Variants in COG3 observed in about 807,000 individuals in gnomAD.
The protein encoded by COG3 is component of oligomeric golgi complex 3, also known as conserved oligomeric Golgi complex subunit 3.
In COG3, 32 loss-of-function variants were observed where a neutral mutation model predicts 114.1. The observed-to-expected ratio is 0.28, with a 90% CI of 0.21 to 0.38. The LOEUF (loss-of-function observed/expected upper bound fraction) is 0.38, where lower values mean the gene tolerates loss of function less well. Ranked by LOEUF, COG3 falls within the 10% of genes least tolerant of loss-of-function variation. The probability of loss-of-function intolerance (pLI) is 1.00; values close to 1 mark genes in which losing one functional copy is unlikely to be tolerated. For missense variants in COG3, 813 were observed against 973.2 expected (o/e 0.84, Z 2.19); for synonymous variants, 352 against 365.7 (o/e 0.96, Z 0.43).
intron 13 of COG3, among the ~76,000 whole-genome samples, chr13:45,498,059 CAG>C (rs1253855210): frequency 1.3e-5 from 2 of 152,148 alleles, no homozygotes; most frequent in South Asian, 4.1e-4. Flanking sequence ...CACCTAAAAA[CAG>C]TGTAGTTCCT....
chr13:45,524,945 A>G (rs1411870745), intron 19 of COG3, 31 bp from the exon 20 acceptor site: 4 of 1,585,554 alleles, frequency 2.5e-6, no homozygotes, highest in Non-Finnish European at 3.5e-6. Flanking sequence ...TGATGAAATG[A>G]AACTTTTTTT....
intron 4 of COG3, 102 bp downstream of exon 4, chr13:45,480,392 C>A: frequency 3.5e-6 from 3 of 851,244 alleles, no homozygotes; most frequent in Non-Finnish European, 5.2e-6. Flanking sequence ...AGATGTTCAA[C>A]TCTGCTGTGT....
chr13:45,501,424 G>A (rs1198335628), intron 13 of COG3, among the ~76,000 whole-genome samples: 3 of 152,162 alleles, frequency 2.0e-5, no homozygotes, highest in Non-Finnish European at 4.4e-5. Flanking sequence ...TAGTTCACTG[G>A]TACTTTATTT....
chr13:45,490,745 A>C (rs1886967182), intron 8 of COG3, among the ~76,000 whole-genome samples, 170 bp from the exon 9 acceptor site: 1 of 145,156 alleles, frequency 6.9e-6, no homozygotes, highest in Non-Finnish European at 1.5e-5. Context: ...AACTGAAAGA[A>C]AATATACTGA....
chr13:45,470,616 C>T (rs1476161543), intron 1 of COG3, among the ~76,000 whole-genome samples: 1 of 152,204 alleles, frequency 6.6e-6, no homozygotes, highest in Non-Finnish European at 1.5e-5. Context: ...TGCCCACTTT[C>T]CCTCAATGGT....
intron 11 of COG3, among the ~76,000 whole-genome samples, chr13:45,492,719 A>T (rs17241431): frequency 0.32 from 48,000 of 152,036 alleles, 8,626 homozygotes; most frequent in Admixed American, 0.42. Flanking sequence ...TCTTACAAAC[A>T]TTCCAAGCTC....
intron 12 of COG3, 45 bp downstream of exon 12, chr13:45,493,531 A>G (rs1593704105): frequency 3.9e-6 from 6 of 1,538,342 alleles, no homozygotes; most frequent in Non-Finnish European, 4.4e-6. Context: ...CACTGGCTCA[A>G]TGAATTTGAA....
At chr13:45,513,428 T>C (rs1332392618) in intron 16 of COG3, among the ~76,000 whole-genome samples, 1 of 101,756 alleles carries the variant, frequency 9.8e-6, no homozygotes, top group South Asian at 2.8e-4. Flanking sequence ...AAATTATATA[T>C]ATAATATATA....
Position 45,516,167 on chromosome 13 carries a change from T to C in COG3, c.1834T>C (p.Leu612=). The C allele has an allele frequency of 6.3e-7, 1 of 1,590,156 alleles. No individual in the cohort carries two copies. The part of the protein sequence containing the change: ...NKTQIDGQLF[L]IKHLLILREQ... The stretch of plus-strand genomic sequence containing the variant: ...GACTCAGATTGATGGACAACTTTTC[T>C]TAATTAAGCACCTTTTGATACTTCG... Residue 612 remains leucine, a synonymous_variant, in exon 17 of 23, where the codon TTA becomes CTA. Coordinates refer to ENST00000349995, the MANE Select transcript of COG3 (RefSeq NM_031431.4).
chr13:45,493,192 G>T (rs188050793), intron 11 of COG3, among the ~76,000 whole-genome samples, 155 bp from the exon 12 acceptor site: 1 of 152,200 alleles, frequency 6.6e-6, no homozygotes, highest in African/African-American at 2.4e-5. Flanking sequence ...ATTACTTTCA[G>T]CTTTTCCCTT....
Position 45,535,499 on chromosome 13 carries a change from A to T in COG3, c.*768A>T. 1.0e-6 allele frequency: 1 copy of T among 985,498 alleles called. No homozygotes were observed. The highest frequency in any genetic ancestry group is 1.2e-6 in the Non-Finnish European group (1 of 829,982). The allele number at this position is 985,498 out of a possible 1,614,324, so 61.0% of individuals were successfully genotyped here. On this transcript the variant is annotated 3_prime_UTR_variant, in exon 23 of 23. Transcript: ENST00000349995. ...GTTTGTGAGTGCGAAGTACCAATTA[A>T]GGTGTCTTAAATTTGGCGCATAGAG...
intron 19 of COG3, among the ~76,000 whole-genome samples, chr13:45,523,431 G>T (rs1422167289): frequency 6.6e-6 from 1 of 152,114 alleles, no homozygotes; most frequent in African/African-American, 2.4e-5. Context: ...ACTGTATACA[G>T]CAATGTTATT....
At chr13:45,527,008 A>G (rs1872755540) in intron 20 of COG3, among the ~76,000 whole-genome samples, 1 of 152,190 alleles carries the variant, frequency 6.6e-6, no homozygotes, top group Admixed American at 6.5e-5. Context: ...TATTTTGAAC[A>G]TTTATGTAAA....
chr13:45,465,148 A>G lies in COG3; in HGVS notation c.112A>G (p.Arg38Gly). ...RPDTTAPLTD[R>G]QTDSVLELKA... ...GGACACGACGGCGCCGCTGACCGAC[A>G]GGCAGACGGACTCGGTATTGGAGCT... Residue 38 changes from arginine (R) to glycine (G), a missense_variant, in exon 1 of 23, where the codon AGG becomes GGG. Physicochemically the swap from Arg to Gly is moderately radical, Grantham distance 125. This residue lies in a region of COG3 where 424 missense variants were observed against 430.6 expected (regional missense o/e 0.98). Coordinates refer to ENST00000349995, the MANE Select transcript of COG3 (RefSeq NM_031431.4). The G allele has an allele frequency of 6.2e-7, 1 of 1,613,564 alleles. No homozygotes were observed. Among genetic ancestry groups the G allele is most frequent in the Non-Finnish European group, 8.5e-7 (1 of 1,179,898 alleles).
chr13:45,479,111 C>A, intron 3 of COG3, 45 bp downstream of exon 3: 1 of 1,340,056 alleles, frequency 7.5e-7, no homozygotes, highest in Non-Finnish European at 1.1e-6. Context: ...ATTTTTAGAT[C>A]ACAGTCATCT....
At chr13:45,496,684 G>C (rs1375175809) in intron 13 of COG3, among the ~76,000 whole-genome samples, 1 of 150,756 alleles carries the variant, frequency 6.6e-6, no homozygotes, top group Non-Finnish European at 1.5e-5. Context: ...TGTTTTTTTT[G>C]TTTTTTTGAG....
chr13:45,486,172 G>A (rs1593693339), intron 7 of COG3, among the ~76,000 whole-genome samples: 2 of 144,742 alleles, frequency 1.4e-5, no homozygotes, highest in South Asian at 2.2e-4. Flanking sequence ...GTGGCGGTGC[G>A]TGCCTGCAAT....
At chr13:45,521,061 A>T (rs533271825) in intron 19 of COG3, among the ~76,000 whole-genome samples, 1 of 152,344 alleles carries the variant, frequency 6.6e-6, no homozygotes, top group South Asian at 2.1e-4. Context: ...ACACGTGCCC[A>T]TAGTCTTAGC....
intron 1 of COG3, among the ~76,000 whole-genome samples, chr13:45,475,204 T>C (rs763540107): frequency 6.6e-6 from 1 of 151,928 alleles, no homozygotes; most frequent in Non-Finnish European, 1.5e-5. Context: ...TTGGGTGTGA[T>C]TTATTTATTT....
Sources: gnomAD v4.1 joint callset for allele counts (sites outside exome capture counted in the v4.1 genomes callset) on GRCh38, gnomAD v4.1.1 for gene constraint, gnomAD v4.1.1 regional missense constraint, MANE v1.5 for transcripts, NCBI Gene and HGNC (gene_info 2026-07-23, HGNC 2026-07-21) for gene names.